Variants in BBS9 observed in about 807,000 individuals in gnomAD.
The protein encoded by BBS9 is Bardet-Biedl syndrome 9.
A neutral mutation model predicts 117.7 loss-of-function variants in BBS9; 89 were observed. The observed-to-expected ratio is 0.76, with a 90% confidence interval of 0.64 to 0.90. The LOEUF (loss-of-function observed/expected upper bound fraction) is 0.90. Among genes scored for constraint, BBS9 ranks in the 40% least tolerant of loss-of-function variants. The pLI, the probability that BBS9 is intolerant of heterozygous loss-of-function variation, is 0.00. For synonymous variants in BBS9, 379 were observed against 370.9 expected (o/e 1.02, Z -0.25); for missense variants, 982 against 1,042.2 (o/e 0.94, Z 0.80).
chr7:33,351,981 C>T (rs1371417838), intron 14 of BBS9: 1 of 154,208 alleles, frequency 6.5e-6, no homozygotes, highest in Admixed American at 6.4e-5. Flanking sequence ...AGAAGTTCTT[C>T]TGGGTTCTGG....
intron 19 of BBS9, among the ~76,000 whole-genome samples, chr7:33,450,989 T>C (rs980420157): frequency 1.3e-4 from 19 of 151,664 alleles, no homozygotes; most frequent in Non-Finnish European, 2.2e-4. Flanking sequence ...CCTGGGTTCA[T>C]GCCATTCTCC....
chr7:33,254,073 G>A (rs1202495079), intron 5 of BBS9, among the ~76,000 whole-genome samples: 1 of 152,076 alleles, frequency 6.6e-6, no homozygotes, highest in Non-Finnish European at 1.5e-5. Flanking sequence ...GAGATATATA[G>A]GGCTCATAAT....
At chr7:33,441,081 G>A (rs148855325) in intron 19 of BBS9, among the ~76,000 whole-genome samples, 69 of 152,232 alleles carry the variant, frequency 4.5e-4, no homozygotes, top group Non-Finnish European at 6.6e-4. Context: ...TAAGAAAAAT[G>A]TTTAAATGGA....
At chr7:33,393,611 C>T (rs1251833491) in intron 19 of BBS9, among the ~76,000 whole-genome samples, 1 of 152,102 alleles carries the variant, frequency 6.6e-6, no homozygotes, top group African/African-American at 2.4e-5. Context: ...CCTTATTACC[C>T]CTACCCCCAA....
At chr7:33,466,585 TC>T (rs1163795286) in intron 19 of BBS9, among the ~76,000 whole-genome samples, 4 of 152,126 alleles carry the variant, frequency 2.6e-5, no homozygotes, top group Admixed American at 6.6e-5. Context: ...TGCAGACACT[TC>T]GGTTGTTTCC....
intron 9 of BBS9, among the ~76,000 whole-genome samples, chr7:33,333,510 A>G (rs1448134100): frequency 6.6e-6 from 1 of 152,186 alleles, no homozygotes; most frequent in Non-Finnish European, 1.5e-5. Flanking sequence ...GACAATTCTC[A>G]AAAGAAGATT....
At chr7:33,160,595 G>A (rs1265548625) in intron 4 of BBS9, among the ~76,000 whole-genome samples, 1 of 152,180 alleles carries the variant, frequency 6.6e-6, no homozygotes, top group African/African-American at 2.4e-5. Flanking sequence ...AGAAAAAGCT[G>A]TCTATATCAT....
chr7:33,626,332 C>T (rs1237263809), intron 21 of BBS9, among the ~76,000 whole-genome samples: 1 of 152,168 alleles, frequency 6.6e-6, no homozygotes, highest in African/African-American at 2.4e-5. Context: ...TATAAATTAT[C>T]CAGTCTCATG....
intron 19 of BBS9, among the ~76,000 whole-genome samples, chr7:33,409,697 T>C (rs1460024631): frequency 1.3e-5 from 2 of 152,230 alleles, no homozygotes; most frequent in Non-Finnish European, 1.5e-5. Flanking sequence ...TTAAAAATTA[T>C]AGTCATTCTA....
intron 9 of BBS9, among the ~76,000 whole-genome samples, chr7:33,307,712 AT>A (rs1197343836): frequency 6.6e-6 from 1 of 151,640 alleles, no homozygotes; most frequent in Non-Finnish European, 1.5e-5. Context: ...GTTATACTGT[AT>A]TTTTTAGGGC....
intron 5 of BBS9, among the ~76,000 whole-genome samples, chr7:33,215,072 G>C (rs1241773603): frequency 2.0e-5 from 3 of 152,130 alleles, no homozygotes; most frequent in Non-Finnish European, 4.4e-5. Context: ...GGTACCTGTA[G>C]TCCCAGCTAC....
intron 19 of BBS9, among the ~76,000 whole-genome samples, chr7:33,406,836 A>G (rs942784941): frequency 6.6e-6 from 1 of 152,156 alleles, no homozygotes; most frequent in Admixed American, 6.5e-5. Flanking sequence ...CTTTGTGGGT[A>G]ACCCGACCTT....
chr7:33,571,688 A>G (rs1192255907), intron 21 of BBS9, among the ~76,000 whole-genome samples: 1 of 152,042 alleles, frequency 6.6e-6, no homozygotes, highest in Non-Finnish European at 1.5e-5. Context: ...TTGGAATTTG[A>G]GATGCCACAG....
intron 5 of BBS9, among the ~76,000 whole-genome samples, chr7:33,237,852 A>G (rs1793789360): frequency 6.6e-6 from 1 of 152,202 alleles, no homozygotes; most frequent in Non-Finnish European, 1.5e-5. Flanking sequence ...GACAATCAAG[A>G]TCAGTAGAAG....
chr7:33,288,531 A>G (rs1429187486), intron 9 of BBS9, among the ~76,000 whole-genome samples: 2 of 152,224 alleles, frequency 1.3e-5, no homozygotes, highest in African/African-American at 2.4e-5. Flanking sequence ...TCTTGAAACA[A>G]CTTGGCTAGA....
intron 21 of BBS9, among the ~76,000 whole-genome samples, chr7:33,544,933 T>C (rs1853046403): frequency 6.6e-6 from 1 of 152,020 alleles, no homozygotes; most frequent in Non-Finnish European, 1.5e-5. Context: ...AGGAGGTTTA[T>C]GGCTGCCCCT....
intron 19 of BBS9, among the ~76,000 whole-genome samples, chr7:33,447,013 T>C (rs2128908660): frequency 6.6e-6 from 1 of 152,268 alleles, no homozygotes; most frequent in Middle Eastern, 3.4e-3. Context: ...ACTAATGAAT[T>C]TATATGATAA....
At chr7:33,178,008 C>CTG (rs1413771602) in intron 5 of BBS9, among the ~76,000 whole-genome samples, 2 of 152,120 alleles carry the variant, frequency 1.3e-5, no homozygotes, top group African/African-American at 4.8e-5. Context: ...TGTGATGGAA[C>CTG]TGTGGTACCT....
chr7:33,478,875 G>GTTTTTTTT (rs10716942), intron 19 of BBS9, among the ~76,000 whole-genome samples: 1 of 130,168 alleles, frequency 7.7e-6, no homozygotes, highest in Non-Finnish European at 1.6e-5. Context: ...ATGTTAGTGG[G>GTTTTTTTT]TTTTTTTTTT....
Sources: gnomAD v4.1 joint callset for allele counts (sites outside exome capture counted in the v4.1 genomes callset) on GRCh38, gnomAD v4.1.1 for gene constraint, MANE v1.5 for transcripts, NCBI Gene and HGNC (gene_info 2026-07-23, HGNC 2026-07-21) for gene names.